BNC2: variants seen among roughly 807,000 people sequenced by gnomAD.
BNC2 encodes zinc finger protein basonuclin-2.
In BNC2, 20 loss-of-function variants were observed where a neutral mutation model predicts 76.3. That is an observed-to-expected ratio of 0.26 (90% confidence interval 0.18 to 0.38). The LOEUF is 0.38. Ranked by LOEUF, BNC2 falls within the 10% of genes least tolerant of loss-of-function variation. The pLI is 1.00. For missense variants in BNC2, 1,382 were observed against 1,399.8 expected, an observed-to-expected ratio of 0.99 and a Z score of 0.20; for synonymous variants, 582 against 514.8, an observed-to-expected ratio of 1.13 and a Z score of -1.77.
At chr9:16,759,615 T>C (rs929522543) in intron 1 of BNC2, among the ~76,000 whole-genome samples, 1 of 152,166 alleles carries the variant, frequency 6.6e-6, no homozygotes, top group Non-Finnish European at 1.5e-5. Flanking sequence ...TATATATAAT[T>C]CCATTTTATT....
chr9:16,843,083 G>C (rs1267877244), intron 1 of BNC2, among the ~76,000 whole-genome samples: 1 of 152,146 alleles, frequency 6.6e-6, no homozygotes, highest in Non-Finnish European at 1.5e-5. Flanking sequence ...TTAAAAAGTT[G>C]AGGGTAAATC....
At chr9:16,539,580 AGAAG>A (rs1186056822) in intron 5 of BNC2, among the ~76,000 whole-genome samples, 12 of 90,956 alleles carry the variant, frequency 1.3e-4, no homozygotes, top group Non-Finnish European at 2.2e-4. Context: ...AGAGAGACAG[AGAAG>A]GGAGGGAGGG....
chr9:16,826,058 T>C (rs1037371031), intron 1 of BNC2, among the ~76,000 whole-genome samples: 4 of 152,190 alleles, frequency 2.6e-5, no homozygotes, highest in African/African-American at 9.6e-5. Context: ...AATCCCCTGA[T>C]GGAACTGAAT....
At chr9:16,426,513 T>C (rs7022640) in intron 6 of BNC2, among the ~76,000 whole-genome samples, 18,029 of 152,102 alleles carry the variant, frequency 0.12, 3,041 homozygotes, top group African/African-American at 0.38. Context: ...TCAGGATGCA[T>C]GAGTTCCCCA....
intron 6 of BNC2, among the ~76,000 whole-genome samples, chr9:16,431,074 GAT>G (rs1424139093): frequency 1.3e-5 from 2 of 152,112 alleles, no homozygotes; most frequent in African/African-American, 4.8e-5. Context: ...AAGGAACAAA[GAT>G]AGTAAAACTC....
intron 3 of BNC2, among the ~76,000 whole-genome samples, chr9:16,688,555 C>A (rs1198940551): frequency 6.6e-6 from 1 of 152,122 alleles, no homozygotes; most frequent in Non-Finnish European, 1.5e-5. Flanking sequence ...TAATGACATA[C>A]TTGACATACT....
intron 3 of BNC2, among the ~76,000 whole-genome samples, chr9:16,676,792 G>T (rs1324040845): frequency 6.6e-6 from 1 of 151,656 alleles, no homozygotes; most frequent in East Asian, 1.9e-4. Flanking sequence ...GAGAACAAGG[G>T]AGGAGAAAAA....
At chr9:16,815,367 C>G (rs568176121) in intron 1 of BNC2, among the ~76,000 whole-genome samples, 8 of 152,266 alleles carry the variant, frequency 5.3e-5, no homozygotes, top group Non-Finnish European at 1.2e-4. Flanking sequence ...TAAAATCTCC[C>G]TGGCAGCAAC....
At chr9:16,862,189 A>C in intron 1 of BNC2, among the ~76,000 whole-genome samples, 1 of 152,206 alleles carries the variant, frequency 6.6e-6, no homozygotes, top group Admixed American at 6.5e-5. Flanking sequence ...AGAAATGAAA[A>C]CATTATGTCC....
At chr9:16,443,295 T>A (rs1010726430) in intron 5 of BNC2, among the ~76,000 whole-genome samples, 1 of 152,198 alleles carries the variant, frequency 6.6e-6, no homozygotes, top group African/African-American at 2.4e-5. Context: ...TTGTGAGATA[T>A]GTTTATTTTT....
chr9:16,536,464 T>C (rs1818133184), intron 5 of BNC2, among the ~76,000 whole-genome samples: 2 of 152,190 alleles, frequency 1.3e-5, no homozygotes, highest in Admixed American at 6.5e-5. Context: ...TCTATCTAAA[T>C]GTATTTCTAG....
chr9:16,730,536 G>C (rs1824475178), intron 2 of BNC2, among the ~76,000 whole-genome samples: 1 of 152,130 alleles, frequency 6.6e-6, no homozygotes, highest in South Asian at 2.1e-4. Flanking sequence ...AGTTTATTTA[G>C]TTCATAAACT....
intron 1 of BNC2, among the ~76,000 whole-genome samples, chr9:16,824,589 G>C (rs1818409933): frequency 6.6e-6 from 1 of 152,120 alleles, no homozygotes; most frequent in Admixed American, 6.5e-5. Flanking sequence ...TGATGACTGA[G>C]AGGCCCCCAG....
At chr9:16,672,080 G>C (rs913875342) in intron 3 of BNC2, among the ~76,000 whole-genome samples, 1 of 152,210 alleles carries the variant, frequency 6.6e-6, no homozygotes, top group Non-Finnish European at 1.5e-5. Context: ...CTAACAGCAA[G>C]GGGTGTTGCT....
At chr9:16,638,089 T>A (rs955227595) in intron 3 of BNC2, among the ~76,000 whole-genome samples, 1 of 152,182 alleles carries the variant, frequency 6.6e-6, no homozygotes, top group Non-Finnish European at 1.5e-5. Context: ...CAAGCTAAAT[T>A]TCTGGGAACT....
intron 3 of BNC2, among the ~76,000 whole-genome samples, chr9:16,603,908 G>A (rs1041678944): frequency 1.3e-5 from 2 of 151,546 alleles, no homozygotes; most frequent in African/African-American, 4.8e-5. Flanking sequence ...TTCTGTCACA[G>A]TACTGCTTAA....
intron 5 of BNC2, among the ~76,000 whole-genome samples, chr9:16,457,825 C>A (rs572051643): frequency 1.3e-5 from 2 of 152,212 alleles, no homozygotes; most frequent in Non-Finnish European, 2.9e-5. Flanking sequence ...GGCAAGCAGG[C>A]CTCCCTAAAG....
chr9:16,425,412 TC>T (rs541937116), intron 6 of BNC2, among the ~76,000 whole-genome samples: 14 of 152,234 alleles, frequency 9.2e-5, no homozygotes, highest in African/African-American at 3.4e-4. Context: ...GAGCCTGCCA[TC>T]CCCGTATGGC....
intron 5 of BNC2, among the ~76,000 whole-genome samples, chr9:16,464,094 CAAAA>C (rs1324549679): frequency 2.9e-5 from 1 of 34,752 alleles, no homozygotes; most frequent in African/African-American, 7.4e-5. Flanking sequence ...ACCCTGTCTC[CAAAA>C]AAAAAAAAAA....
Sources: allele counts gnomAD v4.1 joint callset (sites outside exome capture counted in the v4.1 genomes callset), GRCh38; gene constraint gnomAD v4.1.1; transcripts MANE v1.5; gene names NCBI Gene and HGNC (gene_info 2026-07-23, HGNC 2026-07-21).